Variants in PCSK5 observed in about 807,000 individuals in gnomAD.
PCSK5 encodes proprotein convertase subtilisin/kexin type 5.
A neutral mutation model predicts 233.2 loss-of-function variants in PCSK5; 129 were observed. The observed-to-expected ratio is 0.55, with a 90% CI of 0.48 to 0.64. The LOEUF is 0.64. Ranked by LOEUF, PCSK5 falls within the 30% of genes least tolerant of loss-of-function variation. PCSK5 has a pLI of 0.00. For synonymous variants in PCSK5, 825 were observed against 879.2 expected (o/e 0.94, Z 1.09); for missense variants, 2,076 against 2,430.1 (o/e 0.85, Z 3.06).
rs143443658 is a variant in PCSK5 at position 76,130,608 on chromosome 9, G to A, written c.1209-3501G>A. ...ATACACTGCCTGGCCCTGGCCAAGTGCTCACTAGATGTTGGTTATTACTAT... is the reference window on the plus strand; with the variant it reads ...ATACACTGCCTGGCCCTGGCCAAGTACTCACTAGATGTTGGTTATTACTAT... On this transcript the variant is annotated intron_variant, in intron 9 of 37. Coordinates refer to ENST00000674117, the MANE Select transcript of PCSK5 (RefSeq NM_001372043.1). Among the ~76,000 whole-genome samples, 9 of 152,298 alleles carry A rather than the reference G, an allele frequency of 5.9e-5. No homozygotes were observed. In the East Asian group the frequency reaches 1.3e-3, roughly 23 times the overall value.
At chr9:76,060,753 T>C (rs999698656) in intron 5 of PCSK5, among the ~76,000 whole-genome samples, 14 of 152,318 alleles carry the variant, frequency 9.2e-5, no homozygotes, top group African/African-American at 3.1e-4. Flanking sequence ...CGTTAGACTT[T>C]GTATTGTTAG....
intron 10 of PCSK5, among the ~76,000 whole-genome samples, chr9:76,141,157 T>C (rs1335867867): frequency 6.6e-6 from 1 of 152,104 alleles, no homozygotes; most frequent in Non-Finnish European, 1.5e-5. Context: ...ATTTTGACTA[T>C]CAAGTAATGA....
chr9:76,334,092 AAG>A (rs1248244946), intron 34 of PCSK5, among the ~76,000 whole-genome samples: 18 of 152,128 alleles, frequency 1.2e-4, no homozygotes, highest in Admixed American at 6.5e-4. Context: ...GCGGCAGGCA[AAG>A]AGAGAGAATG....
intron 24 of PCSK5, among the ~76,000 whole-genome samples, chr9:76,274,859 C>T (rs1827638914): frequency 2.0e-5 from 3 of 152,124 alleles, no homozygotes; most frequent in Admixed American, 2.0e-4. Context: ...AGCATGGCTC[C>T]AGCATCTGCT....
chr9:76,231,843 G>T (rs892407215), intron 21 of PCSK5, among the ~76,000 whole-genome samples: 3 of 152,134 alleles, frequency 2.0e-5, no homozygotes, highest in African/African-American at 7.2e-5. Flanking sequence ...TTAGGACTGG[G>T]ACTCATACTC....
intron 9 of PCSK5, among the ~76,000 whole-genome samples, chr9:76,132,759 A>G (rs1032712360): frequency 1.3e-5 from 2 of 152,088 alleles, no homozygotes; most frequent in Non-Finnish European, 2.9e-5. Context: ...CATAAAGCAG[A>G]TACTAGCATC....
At chr9:75,924,907 G>T (rs2377424) in intron 1 of PCSK5, among the ~76,000 whole-genome samples, 13,291 of 152,102 alleles carry the variant, frequency 0.087, 822 homozygotes, top group Non-Finnish European at 0.13. Context: ...CCCCGGGCAG[G>T]TTCTTACACT....
At chr9:76,112,956 A>AG (rs1372014552) in intron 9 of PCSK5, among the ~76,000 whole-genome samples, 4 of 152,204 alleles carry the variant, frequency 2.6e-5, no homozygotes, top group African/African-American at 9.6e-5. Context: ...GTTTTGAACA[A>AG]GGTCCATTCT....
At chr9:76,077,602 T>C (rs913984691) in intron 7 of PCSK5, among the ~76,000 whole-genome samples, 1 of 152,146 alleles carries the variant, frequency 6.6e-6, no homozygotes, top group African/African-American at 2.4e-5. Context: ...TTCCCATCAT[T>C]ATGTCCATGA....
chr9:76,299,426 T>C (rs911736388), intron 27 of PCSK5, among the ~76,000 whole-genome samples: 2 of 152,124 alleles, frequency 1.3e-5, no homozygotes, highest in East Asian at 1.9e-4. Flanking sequence ...CCCAGCACTT[T>C]GGGAGGCCGA....
chr9:76,187,864 C>T (rs780922742), intron 17 of PCSK5, among the ~76,000 whole-genome samples: 1 of 151,866 alleles, frequency 6.6e-6, no homozygotes, highest in Non-Finnish European at 1.5e-5. Context: ...TTAGATAACT[C>T]CCAGAAACAC....
Position 76,193,413 on chromosome 9 carries a change from G to GC in PCSK5, c.2626+3667_2626+3668insC, listed in dbSNP as rs1824514256. The GC allele has an allele frequency of 3.0e-5, 29 of 981,742 alleles. No individual in the cohort carries two copies. The Admixed American group carries it at 1.0e-3, about 35-fold the overall frequency. 60.8% of individuals were successfully genotyped at this position (981,742 alleles called of 1,614,324 possible). On this transcript the variant is annotated intron_variant, in intron 20 of 37. Transcript: ENST00000674117. ...ATAGATTATTCCATATTATTAAAAA[G>GC]AAAAAAGCCAAAAAGAAAAAAAAAA...
chr9:76,297,172 G>C (rs1019526690), intron 27 of PCSK5, among the ~76,000 whole-genome samples: 6 of 152,162 alleles, frequency 3.9e-5, no homozygotes, highest in African/African-American at 7.2e-5. Flanking sequence ...GTCACGGAGG[G>C]AAATGGCCCT....
Position 75,899,843 on chromosome 9 carries a change from C to T in PCSK5, c.192+8470C>T, listed in dbSNP as rs576575740. On this transcript the variant is annotated intron_variant, in intron 1 of 37. Transcript: ENST00000674117. Reference sequence around the variant, plus strand: ...GAAAAGAATGTCTCCACTTAGGGAGCGAGGGAGAACGGGAGTAGATGAAGG... The same window carrying T: ...GAAAAGAATGTCTCCACTTAGGGAGTGAGGGAGAACGGGAGTAGATGAAGG... Among the ~76,000 whole-genome samples, 76 of 152,098 alleles carry T rather than the reference C, an allele frequency of 5.0e-4. 1 individual carries two copies. The highest frequency in any genetic ancestry group is 8.8e-4 in the Non-Finnish European group (60 of 68,000).
At chr9:76,239,622 G>A (rs1826366061) in intron 23 of PCSK5, among the ~76,000 whole-genome samples, 1 of 150,336 alleles carries the variant, frequency 6.7e-6, no homozygotes, top group Non-Finnish European at 1.5e-5. Context: ...CTTGAACCCA[G>A]GAGGCAGAGG....
chr9:76,298,462 T>C (rs1828509472), intron 27 of PCSK5, among the ~76,000 whole-genome samples: 1 of 152,120 alleles, frequency 6.6e-6, no homozygotes, highest in South Asian at 2.1e-4. Flanking sequence ...CCATGACCTA[T>C]GAAATAAGAC....
chr9:76,269,697 T>C (rs1461417054), intron 24 of PCSK5, among the ~76,000 whole-genome samples: 1 of 152,206 alleles, frequency 6.6e-6, no homozygotes, highest in Non-Finnish European at 1.5e-5. Context: ...ATACCTAGTA[T>C]TCCATAGAAG....
At chr9:76,059,818 A>G (rs1829961331) in intron 5 of PCSK5, among the ~76,000 whole-genome samples, 1 of 152,124 alleles carries the variant, frequency 6.6e-6, no homozygotes, top group South Asian at 2.1e-4. Context: ...CCTACAGGAT[A>G]AAAAAACGTC....
intron 5 of PCSK5, among the ~76,000 whole-genome samples, chr9:76,066,531 A>C (rs77912468): frequency 1.4e-3 from 208 of 152,332 alleles, no homozygotes; most frequent in Non-Finnish European, 9.6e-4. Flanking sequence ...ATAACTGAGC[A>C]AAGTTCCAGG....
Sources: allele counts gnomAD v4.1 joint callset (sites outside exome capture counted in the v4.1 genomes callset), GRCh38; gene constraint gnomAD v4.1.1; transcripts MANE v1.5; gene names NCBI Gene and HGNC (gene_info 2026-07-23, HGNC 2026-07-21).